Variants in KCNJ3 observed in about 807,000 individuals in gnomAD.
The protein encoded by KCNJ3 is potassium inwardly rectifying channel subfamily J member 3.
KCNJ3 carries 4 observed loss-of-function variants against 39.2 expected under a neutral mutation model. The observed-to-expected ratio is 0.10, with a 90% CI of 0.05 to 0.23. The LOEUF is 0.23. KCNJ3 is among the 10% of genes least tolerant of loss of function. The pLI is 1.00. For missense variants in KCNJ3, 276 were observed against 634.9 expected (o/e 0.43, Z 6.08); for synonymous variants, 230 against 237.4 (o/e 0.97, Z 0.29).
intron 2 of KCNJ3, among the ~76,000 whole-genome samples, chr2:154,765,029 T>C (rs1053597782): frequency 2.6e-5 from 4 of 152,194 alleles, no homozygotes; most frequent in Non-Finnish European, 5.9e-5. Flanking sequence ...GTGGGCACGA[T>C]TGACATTTAG....
At chr2:154,750,777 C>T (rs1412662743) in intron 2 of KCNJ3, among the ~76,000 whole-genome samples, 1 of 151,778 alleles carries the variant, frequency 6.6e-6, no homozygotes, top group East Asian at 1.9e-4. Flanking sequence ...CTTGTATAGA[C>T]CAAAATGAAC....
intron 2 of KCNJ3, among the ~76,000 whole-genome samples, chr2:154,710,616 C>T (rs1443613932): frequency 2.0e-5 from 3 of 151,714 alleles, no homozygotes; most frequent in African/African-American, 4.8e-5. Context: ...TGTATGTATA[C>T]GTATATGTGT....
chr2:154,700,370 CCTT>C (rs1684867243), intron 1 of KCNJ3, among the ~76,000 whole-genome samples: 5 of 152,176 alleles, frequency 3.3e-5, no homozygotes, highest in Admixed American at 3.3e-4. Flanking sequence ...CAAGAGAAGT[CCTT>C]CTTAATCACT....
At chr2:154,711,328 T>C (rs551576008) in intron 2 of KCNJ3, among the ~76,000 whole-genome samples, 6 of 152,244 alleles carry the variant, frequency 3.9e-5, no homozygotes, top group Admixed American at 3.3e-4. Context: ...GATGTTGCCA[T>C]TTTTATTGGT....
At chr2:154,808,427 C>T (rs1686953357) in intron 2 of KCNJ3, among the ~76,000 whole-genome samples, 2 of 152,066 alleles carry the variant, frequency 1.3e-5, no homozygotes, top group Non-Finnish European at 2.9e-5. Flanking sequence ...TTACACTCTC[C>T]TACCTTGCCT....
intron 2 of KCNJ3, among the ~76,000 whole-genome samples, chr2:154,806,407 G>C (rs1686911572): frequency 6.6e-6 from 1 of 152,120 alleles, no homozygotes; most frequent in Non-Finnish European, 1.5e-5. Context: ...AGAACTTTTT[G>C]AGCAAGGATC....
chr2:154,711,290 A>C (rs369334943), intron 2 of KCNJ3, among the ~76,000 whole-genome samples: 3 of 152,228 alleles, frequency 2.0e-5, no homozygotes, highest in East Asian at 3.9e-4. Context: ...CATTTATTAA[A>C]GTAGTAATGT....
At chr2:154,785,210 G>T (rs1686505639) in intron 2 of KCNJ3, among the ~76,000 whole-genome samples, 1 of 152,182 alleles carries the variant, frequency 6.6e-6, no homozygotes, top group Admixed American at 6.5e-5. Flanking sequence ...AGTTTGCTAG[G>T]CCTGTAGTAA....
intron 2 of KCNJ3, among the ~76,000 whole-genome samples, chr2:154,721,118 A>C (rs959856939): frequency 6.6e-6 from 1 of 152,034 alleles, no homozygotes; most frequent in Non-Finnish European, 1.5e-5. Flanking sequence ...AGCTTTGTTA[A>C]ACTCATATGA....
intron 2 of KCNJ3, among the ~76,000 whole-genome samples, chr2:154,831,195 CACA>C (rs1687357063): frequency 6.6e-6 from 1 of 152,228 alleles, no homozygotes; most frequent in African/African-American, 2.4e-5. Flanking sequence ...TTTGATAAAG[CACA>C]ACAGTTACCC....
intron 2 of KCNJ3, among the ~76,000 whole-genome samples, chr2:154,718,281 C>T (rs1685213869): frequency 6.6e-6 from 1 of 152,156 alleles, no homozygotes. Context: ...TGAGGCCACA[C>T]ATTCCTTTTT....
At chr2:154,701,074 AT>A (rs1684887564) in intron 1 of KCNJ3, among the ~76,000 whole-genome samples, 1 of 152,188 alleles carries the variant, frequency 6.6e-6, no homozygotes, top group African/African-American at 2.4e-5. Context: ...AGTTTGTCAG[AT>A]CAAGCTGGGC....
intron 2 of KCNJ3, among the ~76,000 whole-genome samples, chr2:154,798,535 G>C (rs1686759166): frequency 6.6e-6 from 1 of 152,086 alleles, no homozygotes; most frequent in African/African-American, 2.4e-5. Flanking sequence ...ACATACAAAA[G>C]GTCGCAGTGA....
intron 2 of KCNJ3, among the ~76,000 whole-genome samples, chr2:154,819,154 A>G (rs537338690): frequency 1.3e-5 from 2 of 152,074 alleles, no homozygotes; most frequent in East Asian, 3.9e-4. Context: ...AAAAGAAAAA[A>G]AGACCATGAG....
intron 2 of KCNJ3, among the ~76,000 whole-genome samples, chr2:154,756,698 C>T (rs1031628033): frequency 1.3e-5 from 2 of 151,916 alleles, no homozygotes; most frequent in Non-Finnish European, 2.9e-5. Flanking sequence ...CACCATGGCA[C>T]GTGTATACCT....
At chr2:154,797,211 C>A (rs989580106) in intron 2 of KCNJ3, among the ~76,000 whole-genome samples, 1 of 152,146 alleles carries the variant, frequency 6.6e-6, no homozygotes, top group Non-Finnish European at 1.5e-5. Context: ...TAGTTACATT[C>A]TGTGGAGCAT....
At chr2:154,745,213 T>A (rs1271209532) in intron 2 of KCNJ3, among the ~76,000 whole-genome samples, 4 of 152,028 alleles carry the variant, frequency 2.6e-5, no homozygotes, top group Non-Finnish European at 4.4e-5. Context: ...ATTGGTGGAA[T>A]GTTTTTTGTG....
intron 1 of KCNJ3, among the ~76,000 whole-genome samples, chr2:154,703,677 C>T (rs1340133368): frequency 6.6e-6 from 1 of 152,008 alleles, no homozygotes; most frequent in Non-Finnish European, 1.5e-5. Context: ...AGGATTCCTG[C>T]AGTTTTCTCA....
intron 2 of KCNJ3, among the ~76,000 whole-genome samples, chr2:154,782,311 C>G (rs1574460550): frequency 2.0e-5 from 3 of 152,010 alleles, no homozygotes; most frequent in Admixed American, 2.0e-4. Flanking sequence ...AATAATAATG[C>G]CTATTTCACG....
Sources: allele counts gnomAD v4.1 joint callset (sites outside exome capture counted in the v4.1 genomes callset), GRCh38; gene constraint gnomAD v4.1.1; transcripts MANE v1.5; gene names NCBI Gene and HGNC (gene_info 2026-07-23, HGNC 2026-07-21).